The following AEBP2 variants were observed in gnomAD, a reference collection of about 807,000 sequenced individuals.
AEBP2 encodes the protein AE binding protein 2.
Under a neutral mutation model 50.8 loss-of-function variants are expected in AEBP2, and 10 were observed. The ratio of observed to expected loss-of-function variants is 0.20; its 90% CI spans 0.12 to 0.33. AEBP2 has a LOEUF of 0.33. Ranked by LOEUF, AEBP2 falls within the 10% of genes least tolerant of loss-of-function variation. AEBP2 has a pLI of 1.00. For synonymous variants in AEBP2, 296 were observed against 261.3 expected, an observed-to-expected ratio of 1.13 and a Z score of -1.28; for missense variants, 570 against 688.0, an observed-to-expected ratio of 0.83 and a Z score of 1.92.
At chr12:19,440,723 T>A (rs755817089) in intron 1 of AEBP2, 2 of 1,530,482 alleles carry the variant, frequency 1.3e-6, no homozygotes, top group South Asian at 2.4e-5. Flanking sequence ...ACGTCGGTAC[T>A]CAAGGTTAGC....
At chr12:19,460,351 T>C (rs1225357459) in intron 1 of AEBP2, among the ~76,000 whole-genome samples, 2 of 152,184 alleles carry the variant, frequency 1.3e-5, no homozygotes. Context: ...AACGTTCTTT[T>C]TGTTTTTTGA....
At chr12:19,406,032 T>A (rs2095736110) in intron 1 of AEBP2, among the ~76,000 whole-genome samples, 1 of 150,684 alleles carries the variant, frequency 6.6e-6, no homozygotes, top group African/African-American at 2.4e-5. Context: ...AGTGGTGCAA[T>A]CTTGGCTCAC....
chr12:19,502,526 A>G (rs931510068), intron 5 of AEBP2, among the ~76,000 whole-genome samples: 1 of 152,054 alleles, frequency 6.6e-6, no homozygotes, highest in African/African-American at 2.4e-5. Context: ...AGTGCCATTT[A>G]TTGAATTAGG....
In AEBP2 at chr12:19,408,814, A is replaced by T. The variant is rs553240045; in HGVS notation, c.-17+4598A>T. Among the ~76,000 whole-genome samples, 75 of 152,106 alleles carry T rather than the reference A, an allele frequency of 4.9e-4. 1 individual carries two copies. The highest frequency in any genetic ancestry group is 9.7e-4 in the Non-Finnish European group (66 of 68,004). On this transcript the variant is annotated intron_variant, in intron 1 of 3. Transcript: ENST00000538425. Reference sequence around the variant, plus strand: ...GCTGCTCAGGAGGCTGAGGTAGGAGAATCGCTTGAACCCGGGAGGCAGAGG... The same window carrying T: ...GCTGCTCAGGAGGCTGAGGTAGGAGTATCGCTTGAACCCGGGAGGCAGAGG...
chr12:19,449,816 C>G (rs1465388206), intron 1 of AEBP2, among the ~76,000 whole-genome samples: 1 of 152,030 alleles, frequency 6.6e-6, no homozygotes, highest in Non-Finnish European at 1.5e-5. Context: ...TTTTACTTGC[C>G]TTAAAAAATA....
chr12:19,506,780 T>C (rs1225094568), intron 5 of AEBP2, among the ~76,000 whole-genome samples: 10 of 152,188 alleles, frequency 6.6e-5, no homozygotes, highest in Non-Finnish European at 1.2e-4. Flanking sequence ...ACTGGAATGT[T>C]TGCAGTGGAG....
intron 1 of AEBP2, among the ~76,000 whole-genome samples, chr12:19,426,514 T>C (rs2095748631): frequency 6.6e-6 from 1 of 152,230 alleles, no homozygotes; most frequent in South Asian, 2.1e-4. Context: ...AAATGTGGTC[T>C]CCAGCTGAGC....
chr12:19,472,384 G>T (rs1246904269), intron 2 of AEBP2, among the ~76,000 whole-genome samples: 7 of 152,140 alleles, frequency 4.6e-5, no homozygotes, highest in African/African-American at 1.7e-4. Context: ...GCAGTTTTCA[G>T]TGTTTGGTTT....
At chr12:19,421,838 A>G (rs1452176324) in intron 1 of AEBP2, among the ~76,000 whole-genome samples, 1 of 152,170 alleles carries the variant, frequency 6.6e-6, no homozygotes, top group African/African-American at 2.4e-5. Flanking sequence ...CAGTACAAAT[A>G]TCTTCAGTAT....
At position 19,494,550 on chromosome 12, in the gene AEBP2, G is replaced by A. The variant is rs184116843; in HGVS notation, c.1174+564G>A. Among the ~76,000 whole-genome samples the A allele has an allele frequency of 5.5e-3, 786 of 141,820 alleles. 4 individuals are homozygous for A. The highest frequency in any genetic ancestry group is 7.0e-3 in the Non-Finnish European group (466 of 66,750). The allele number at this position is 141,820 out of a possible 152,430, so 93.0% of individuals were successfully genotyped here. ...GGAGTCTCGCTCTGTCAGCCAGGCC[G>A]GAGTGCAATGGCGTGAGACAGGGTT... On this transcript the variant is annotated intron_variant, in intron 4 of 7. Transcript: ENST00000266508.
In AEBP2 at chr12:19,461,219, A is replaced by G. The variant is rs1245512868; in HGVS notation, c.672-1291A>G. On this transcript the variant is annotated intron_variant, in intron 1 of 7. Coordinates refer to ENST00000266508, the MANE Select transcript of AEBP2 (RefSeq NM_153207.5). ...TGCAAGCAGATACACACCTTTTCATAGATTTAATCTGAAAACATTCTTTCT... is the reference window on the plus strand; with the variant it reads ...TGCAAGCAGATACACACCTTTTCATGGATTTAATCTGAAAACATTCTTTCT... Among the ~76,000 whole-genome samples, 3 of 152,192 alleles carry G rather than the reference A, an allele frequency of 2.0e-5. No homozygotes were observed. In the East Asian group the frequency reaches 5.8e-4, roughly 29 times the overall value.
At position 19,518,211 on chromosome 12, in the gene AEBP2, A is replaced by G; in HGVS notation, c.*94A>G. ...TAGGGAAAGTTGCACATTAGAGTCA[A>G]CCCCTTCTTTTTTTTTTTTTTTTTT... is the stretch of plus-strand genomic sequence containing the variant. On this transcript the variant is annotated 3_prime_UTR_variant, in exon 8 of 8. Coordinates refer to ENST00000266508, the MANE Select transcript of AEBP2 (RefSeq NM_153207.5). The G allele has an allele frequency of 7.5e-7, 1 of 1,336,440 alleles. No individual in the cohort carries two copies. The highest frequency in any genetic ancestry group is 9.6e-7 in the Non-Finnish European group (1 of 1,045,652). The allele number at this position is 1,336,440 out of a possible 1,614,324, so 82.8% of individuals were successfully genotyped here.
intron 1 of AEBP2, among the ~76,000 whole-genome samples, chr12:19,447,744 G>A (rs527836304): frequency 4.5e-4 from 68 of 152,298 alleles, no homozygotes; most frequent in African/African-American, 1.3e-3. Context: ...CTCCAGCTGA[G>A]GATAAGCGAT....
intron 1 of AEBP2, among the ~76,000 whole-genome samples, chr12:19,431,247 T>C (rs1592709999): frequency 6.6e-6 from 1 of 152,210 alleles, no homozygotes; most frequent in East Asian, 1.9e-4. Flanking sequence ...AGACTGCTGA[T>C]AGACTTTTAT....
At chr12:19,511,468 T>C (rs2120597076) in intron 5 of AEBP2, among the ~76,000 whole-genome samples, 1 of 152,318 alleles carries the variant, frequency 6.6e-6, no homozygotes, top group East Asian at 1.9e-4. Context: ...CTGAAGAGTT[T>C]TCTGCACCAT....
At chr12:19,463,973 C>CTT (rs1206316187) in intron 2 of AEBP2, among the ~76,000 whole-genome samples, 1 of 152,068 alleles carries the variant, frequency 6.6e-6, no homozygotes, top group African/African-American at 2.4e-5. Flanking sequence ...ACCGAAATTT[C>CTT]TTTTAAGACA....
chr12:19,465,803 T>G (rs1948462887), intron 2 of AEBP2, among the ~76,000 whole-genome samples: 1 of 149,888 alleles, frequency 6.7e-6, no homozygotes, highest in African/African-American at 2.5e-5. Flanking sequence ...TTTTTTTTTT[T>G]TTTTTTGAGA....
upstream of AEBP2, among the ~76,000 whole-genome samples, chr12:19,434,635 A>C (rs2095753271): frequency 6.6e-6 from 1 of 152,240 alleles, no homozygotes; most frequent in Non-Finnish European, 1.5e-5. Flanking sequence ...GGTCCTCAGG[A>C]TCATCAAACC....
intron 1 of AEBP2, among the ~76,000 whole-genome samples, chr12:19,428,442 A>G (rs1429099370): frequency 6.6e-6 from 1 of 152,174 alleles, no homozygotes; most frequent in African/African-American, 2.4e-5. Flanking sequence ...GTCCCAGCCC[A>G]TGAACAGGAA....
Sources: allele counts gnomAD v4.1 joint callset (sites outside exome capture counted in the v4.1 genomes callset), GRCh38; gene constraint gnomAD v4.1.1; transcripts MANE v1.5; gene names NCBI Gene and HGNC (gene_info 2026-07-23, HGNC 2026-07-21).